The following CELF2 variants were observed in gnomAD, a reference collection of about 807,000 sequenced individuals.
CELF2 encodes CUGBP Elav-like family member 2.
A neutral mutation model predicts 62.6 loss-of-function variants in CELF2; 8 were observed. The ratio of observed to expected loss-of-function variants is 0.13; its 90% CI spans 0.07 to 0.23. CELF2 has a LOEUF of 0.23. Ranked by LOEUF, CELF2 falls within the 10% of genes least tolerant of loss-of-function variation. The probability of loss-of-function intolerance (pLI) is 1.00; values close to 1 mark genes in which losing one functional copy is unlikely to be tolerated. For synonymous variants in CELF2, 258 were observed against 250.0 expected (o/e 1.03, Z -0.30); for missense variants, 333 against 671.0 (o/e 0.50, Z 5.56).
the CELF2 span, among the ~76,000 whole-genome samples, chr10:10,669,126 G>C: frequency 6.6e-6 from 1 of 152,172 alleles, no homozygotes; most frequent in Non-Finnish European, 1.5e-5. Context: ...TAGTGGTTTG[G>C]TGGCAGAAGT....
intron 2 of CELF2, among the ~76,000 whole-genome samples, chr10:10,971,835 CCTCGAT>C (rs748693624): frequency 1.3e-5 from 2 of 152,210 alleles, no homozygotes; most frequent in Admixed American, 6.5e-5. Context: ...GATCCACCCA[CCTCGAT>C]CTCCCAAAGT....
At chr10:10,524,867 G>C in the CELF2 span, among the ~76,000 whole-genome samples, 1 of 152,066 alleles carries the variant, frequency 6.6e-6, no homozygotes, top group Non-Finnish European at 1.5e-5. Flanking sequence ...TTCATGCCTG[G>C]AAGCCAAGAA....
At chr10:10,646,968 T>C in the CELF2 span, among the ~76,000 whole-genome samples, 4 of 152,312 alleles carry the variant, frequency 2.6e-5, 1 homozygote, top group East Asian at 7.7e-4. Context: ...CCTGCTAGCC[T>C]ACTCGTTGGC....
chr10:11,320,145 T>C (rs1370756296), intron 10 of CELF2, among the ~76,000 whole-genome samples: 4 of 152,236 alleles, frequency 2.6e-5, no homozygotes, highest in African/African-American at 9.6e-5. Flanking sequence ...TGATGTCACC[T>C]CTTCCGTTTC....
At chr10:10,706,628 G>A in the CELF2 span, among the ~76,000 whole-genome samples, 2 of 152,166 alleles carry the variant, frequency 1.3e-5, no homozygotes, top group African/African-American at 4.8e-5. Context: ...CTGTAAAACG[G>A]ACAGCAAGGG....
intron 8 of CELF2, among the ~76,000 whole-genome samples, chr10:11,277,114 T>C (rs2086426064): frequency 6.6e-6 from 1 of 152,198 alleles, no homozygotes; most frequent in South Asian, 2.1e-4. Flanking sequence ...TGTCGGGCTC[T>C]GTGAAGGATA....
intron 1 of CELF2, among the ~76,000 whole-genome samples, chr10:11,129,666 G>A (rs573417222): frequency 6.6e-6 from 1 of 152,190 alleles, no homozygotes; most frequent in African/African-American, 2.4e-5. Context: ...TGTTTGTGTA[G>A]AGGTGTTTAC....
the CELF2 span, among the ~76,000 whole-genome samples, chr10:10,632,904 G>C: frequency 7.4e-4 from 112 of 152,278 alleles, no homozygotes; most frequent in Non-Finnish European, 1.3e-4. Context: ...GATGCCAACT[G>C]TTCTGAATCT....
At chr10:10,909,737 A>G (rs1198215214) in intron 1 of CELF2, among the ~76,000 whole-genome samples, 2 of 152,230 alleles carry the variant, frequency 1.3e-5, no homozygotes, top group African/African-American at 4.8e-5. Flanking sequence ...TGCCCTCCCC[A>G]AAAGGGAATC....
the CELF2 span, among the ~76,000 whole-genome samples, chr10:10,676,913 G>A: frequency 1.3e-5 from 2 of 152,104 alleles, no homozygotes; most frequent in African/African-American, 4.8e-5. Flanking sequence ...CAAATTATTT[G>A]GGGAATTAAA....
At chr10:11,058,745 G>C (rs973048239) in intron 1 of CELF2, among the ~76,000 whole-genome samples, 1 of 151,968 alleles carries the variant, frequency 6.6e-6, no homozygotes, top group Non-Finnish European at 1.5e-5. Flanking sequence ...TGGGATTACA[G>C]ACATGACCCA....
rs751779588 is a variant in CELF2, at chr10:11,306,181, T to C, written c.977-7958T>C. Among the ~76,000 whole-genome samples, 25 of 152,096 alleles carry C rather than the reference T, an allele frequency of 1.6e-4. No individual in the cohort carries two copies. The highest frequency in any genetic ancestry group is 3.4e-4 in the Non-Finnish European group (23 of 68,030). ...GTCTGGGATCCTCTTGGCTTTGTTC[T>C]GCCTCCTCCTGCTTGGATGGTGCAG... is the stretch of plus-strand genomic sequence containing the variant. On this transcript the variant is annotated intron_variant, in intron 9 of 12. Transcript: ENST00000633077. This position sits in a 1 kb window ranked among gnomAD's most constrained non-coding sequence, Gnocchi z 4.4.
At chr10:10,662,359 A>G in the CELF2 span, among the ~76,000 whole-genome samples, 2 of 152,180 alleles carry the variant, frequency 1.3e-5, no homozygotes, top group African/African-American at 4.8e-5. Flanking sequence ...TAAGACTAAA[A>G]TGTGCATGAC....
At chr10:10,639,345 G>C in the CELF2 span, among the ~76,000 whole-genome samples, 1 of 152,158 alleles carries the variant, frequency 6.6e-6, no homozygotes, top group Non-Finnish European at 1.5e-5. Context: ...GAGCCCTTGA[G>C]ATTTTCCTCT....
intron 2 of CELF2, among the ~76,000 whole-genome samples, chr10:10,979,232 C>T (rs537052694): frequency 6.6e-6 from 1 of 152,292 alleles, no homozygotes; most frequent in African/African-American, 2.4e-5. Flanking sequence ...TCTCTTGACG[C>T]CAGGCCTGTG....
intron 5 of CELF2, among the ~76,000 whole-genome samples, chr10:11,259,993 A>C (rs1287362180): frequency 6.6e-6 from 1 of 152,194 alleles, no homozygotes; most frequent in Non-Finnish European, 1.5e-5. Context: ...GTATGGAGAA[A>C]CGGCACAAGG....
intron 2 of CELF2, among the ~76,000 whole-genome samples, chr10:11,176,311 C>T (rs745759015): frequency 6.6e-6 from 1 of 152,198 alleles, no homozygotes; most frequent in African/African-American, 2.4e-5. Flanking sequence ...GTACAGTCCT[C>T]TTATTAGCAT....
intron 1 of CELF2, among the ~76,000 whole-genome samples, chr10:11,141,075 A>G (rs1428199166): frequency 6.6e-6 from 1 of 152,162 alleles, no homozygotes; most frequent in African/African-American, 2.4e-5. Context: ...ATTGAGTACA[A>G]TTTTTTGAAC....
chr10:10,636,008 A>G, the CELF2 span, among the ~76,000 whole-genome samples: 35 of 152,358 alleles, frequency 2.3e-4, no homozygotes, highest in African/African-American at 8.4e-4. Context: ...TATGTGATAA[A>G]TATCATGAAG....
Sources: gnomAD v4.1 joint callset for allele counts (sites outside exome capture counted in the v4.1 genomes callset) on GRCh38, gnomAD v4.1.1 for gene constraint, Gnocchi (gnomAD v3.1) non-coding constraint, MANE v1.5 for transcripts, NCBI Gene and HGNC (gene_info 2026-07-23, HGNC 2026-07-21) for gene names.